The following ERCC1 variants were observed in gnomAD, a reference collection of about 807,000 sequenced individuals.
ERCC1 encodes the protein DNA excision repair protein ERCC-1.
ERCC1 carries 36 observed loss-of-function variants against 37.6 expected under a neutral mutation model. The observed-to-expected ratio is 0.96, with a 90% CI of 0.73 to 1.26. The LOEUF is 1.26. Ranked by LOEUF, ERCC1 falls within the 50% of genes most tolerant of loss-of-function variation. The pLI is 0.00. For synonymous variants in ERCC1, 156 were observed against 162.1 expected (o/e 0.96, Z 0.28); for missense variants, 349 against 376.5 (o/e 0.93, Z 0.60).
intron 9 of ERCC1, among the ~76,000 whole-genome samples, chr19:45,413,014 T>C (rs1175684408): frequency 1.3e-5 from 2 of 152,210 alleles, no homozygotes; most frequent in Non-Finnish European, 2.9e-5. Context: ...GTGCTGGGAT[T>C]ACAGGCCCAA....
Position 45,409,001 on chromosome 19 carries a change from G to C in ERCC1, c.*674C>G, listed in dbSNP as rs781466069. ...GATGGCAATGATGGAGCCAGGGACG[G>C]AGGCGATGGAGCCAGTGGAGCCGGA... On this transcript the variant is annotated 3_prime_UTR_variant, in exon 10 of 10. Transcript: ENST00000300853. The C allele has an allele frequency of 5.0e-6, 8 of 1,614,078 alleles. No homozygotes were observed. Among genetic ancestry groups the C allele is most frequent in the Non-Finnish European group, 5.9e-6 (7 of 1,180,010 alleles).
chr19:45,440,101 C>T lies in ERCC1; in HGVS notation c.-7-16720G>A, dbSNP rs903246811. On this transcript the variant is annotated intron_variant, in intron 1 of 8. Transcript: ENST00000423698. ...CCAGCGCACCCCCACTCTGCCCTGG[C>T]GGTCACACTCGCCCCCGACTGCGAC... Among the ~76,000 whole-genome samples, 51 of 151,748 alleles carry T rather than the reference C, an allele frequency of 3.4e-4. 1 individual carries two copies. The highest frequency in any genetic ancestry group is 1.2e-3 in the African/African-American group (49 of 41,436).
chr19:45,447,025 A>C (rs901356140), intron 1 of ERCC1, among the ~76,000 whole-genome samples: 1 of 151,980 alleles, frequency 6.6e-6, no homozygotes. Flanking sequence ...AGAAAGTAGG[A>C]GCCAGATGGG....
upstream of ERCC1, among the ~76,000 whole-genome samples, chr19:45,427,651 T>C (rs531740314): frequency 3.3e-5 from 5 of 152,298 alleles, no homozygotes; most frequent in South Asian, 1.0e-3. Context: ...TATGCCTCTG[T>C]ATCCAAGACC....
chr19:45,423,858 AG>A lies in ERCC1; in HGVS notation c.-86del. On this transcript the variant is annotated 5_prime_UTR_variant, in exon 1 of 10. Transcript: ENST00000300853. ...TGGAGCCTCAAGGGAAAGACTGCAGAGGGATCGAGGCGGCCCACTGCCAGCA... is the reference window on the plus strand; with the variant it reads ...TGGAGCCTCAAGGGAAAGACTGCAGAGGATCGAGGCGGCCCACTGCCAGCA... 1 of 1,122,040 alleles carries A rather than the reference AG, an allele frequency of 8.9e-7. No individual in the cohort carries two copies. The highest frequency in any genetic ancestry group is 1.1e-6 in the Non-Finnish European group (1 of 910,596). 69.5% of individuals were successfully genotyped at this position (1,122,040 alleles called of 1,614,324 possible).
rs781333076 is a variant in ERCC1 at position 45,421,193 on chromosome 19, A to G, written c.306T>C (p.Ile102=). 9.3e-6 allele frequency: 15 copies of G among 1,614,008 alleles called. No individual in the cohort carries two copies. Among genetic ancestry groups the G allele is most frequent in the African/African-American group, 2.7e-5 (2 of 74,938 alleles). The change falls in exon 3 of 10, where the codon ATT becomes ATC. Residue 102 remains isoleucine (I), a synonymous_variant. Transcript: ENST00000300853. ...LKPGAKSNSI[I]VSPRQRGNPV... The stretch of plus-strand genomic sequence containing the variant: ...CCCTCCTCACCTGCCGAGGGCTCAC[A>G]ATGATGCTGTTGGATTTTGCCCCGG...
chr19:45,450,080 T>C (rs1348470286), intron 1 of ERCC1, among the ~76,000 whole-genome samples: 1 of 152,222 alleles, frequency 6.6e-6, no homozygotes, highest in Admixed American at 6.5e-5. Flanking sequence ...CCGGATTTGA[T>C]GGTCACAATT....
intron 1 of ERCC1, among the ~76,000 whole-genome samples, chr19:45,447,159 C>CA (rs1418398039): frequency 2.0e-5 from 3 of 152,164 alleles, no homozygotes; most frequent in African/African-American, 7.2e-5. Context: ...TGGCACACCC[C>CA]AGCACTACGT....
At chr19:45,413,538 A>C in intron 9 of ERCC1, 139 bp downstream of exon 9, 2 of 1,603,558 alleles carry the variant, frequency 1.2e-6, no homozygotes, top group East Asian at 2.2e-5. Context: ...GGCCTCCCAA[A>C]ATGTTGGGAT....
chr19:45,414,785 A>C, intron 7 of ERCC1, 76 bp downstream of exon 7: 2 of 1,034,246 alleles, frequency 1.9e-6, no homozygotes, highest in Non-Finnish European at 3.1e-6. Context: ...ACAGTGCCTT[A>C]AAATTGGAAC....
chr19:45,421,376 T>G lies in ERCC1; in HGVS notation c.123A>C (p.Arg41=), dbSNP rs1974413544. The G allele has an allele frequency of 6.2e-7, 1 of 1,611,560 alleles. No individual in the cohort carries two copies. Among genetic ancestry groups the G allele is most frequent in the Non-Finnish European group, 8.5e-7 (1 of 1,178,726 alleles). The change falls in exon 3 of 10, where the codon CGA becomes CGC. Residue 41 remains arginine, a synonymous_variant. Transcript: ENST00000300853. ...VPPGVAKPLF[R]STQSLPTVDT... Reference sequence around the variant, plus strand: ...CCACAGTGGGAAGGCTCTGTGTAGATCGGAATAAGGGCTTGGCCTGTGGGG... The same window carrying G: ...CCACAGTGGGAAGGCTCTGTGTAGAGCGGAATAAGGGCTTGGCCTGTGGGG...
rs757425131 is a variant in ERCC1 at position 45,419,775 on chromosome 19, CCA to C, written c.425+547_425+548del. On this transcript the variant is annotated intron_variant, in intron 4 of 9. Transcript: ENST00000300853. The stretch of plus-strand genomic sequence containing the variant: ...GGAGAAATCCTGCTTCTCATCAACT[CCA>C]GTCAAGGATGTCTGGGACATGAGTG... Among the ~76,000 whole-genome samples, 58 of 152,270 alleles carry C rather than the reference CCA, an allele frequency of 3.8e-4. No individual in the cohort carries two copies. The East Asian group carries it at 6.0e-3, about 16-fold the overall frequency.
At chr19:45,413,331 C>T (rs897985170) in intron 9 of ERCC1, 3 of 564,896 alleles carry the variant, frequency 5.3e-6, no homozygotes, top group Non-Finnish European at 9.5e-6. Context: ...TAGTAACATG[C>T]TTATAGCTCA....
chr19:45,441,018 C>T (rs1975106662), intron 1 of ERCC1, among the ~76,000 whole-genome samples: 1 of 152,178 alleles, frequency 6.6e-6, no homozygotes, highest in Admixed American at 6.6e-5. Context: ...ACTGAAATGA[C>T]AGGCATGAGC....
chr19:45,426,505 C>T (rs540717326), upstream of ERCC1, among the ~76,000 whole-genome samples: 20 of 149,576 alleles, frequency 1.3e-4, no homozygotes, highest in Non-Finnish European at 1.9e-4. Context: ...GAGCTGAGAT[C>T]GCACCATTGC....
In ERCC1 at chr19:45,421,343, C is replaced by T. The variant is rs1159203686; in HGVS notation, c.156G>A (p.Ser52=). The T allele has an allele frequency of 1.2e-6, 2 of 1,613,816 alleles. No homozygotes were observed. The highest frequency in any genetic ancestry group is 2.2e-5 in the East Asian group (1 of 44,892). The stretch of plus-strand genomic sequence containing the variant: ...CGTAGGTCTGAGGGGCCGCCTGGGC[C>T]GAGGTGTCCACAGTGGGAAGGCTCT... ...STQSLPTVDT[S]AQAAPQTYAE... Residue 52 remains serine (S), a synonymous_variant, in exon 3 of 10, where the codon TCG becomes TCA. Transcript: ENST00000300853.
chr19:45,448,610 G>A (rs1967018558), intron 1 of ERCC1, among the ~76,000 whole-genome samples: 1 of 152,122 alleles, frequency 6.6e-6, no homozygotes, highest in Non-Finnish European at 1.5e-5. Context: ...CACTTTGAGA[G>A]GCGGAGATGG....
chr19:45,418,003 G>A (rs1371948810), intron 5 of ERCC1, among the ~76,000 whole-genome samples: 9 of 151,936 alleles, frequency 5.9e-5, no homozygotes, highest in East Asian at 1.9e-4. Context: ...AATGGAAGAG[G>A]AATGCTTGAG....
chr19:45,434,759 A>C (rs911796839), intron 1 of ERCC1, among the ~76,000 whole-genome samples: 7 of 149,850 alleles, frequency 4.7e-5, no homozygotes, highest in African/African-American at 1.7e-4. Context: ...CCTTTTTTAA[A>C]AATTTTTTTA....
Sources: gnomAD v4.1 joint callset for allele counts (sites outside exome capture counted in the v4.1 genomes callset) on GRCh38, gnomAD v4.1.1 for gene constraint, MANE v1.5 for transcripts, NCBI Gene and HGNC (gene_info 2026-07-23, HGNC 2026-07-21) for gene names.